Variants in SLC34A1 observed in about 807,000 individuals in gnomAD.
SLC34A1 encodes sodium-dependent phosphate transport protein 2A.
SLC34A1 carries 57 observed loss-of-function variants against 51.4 expected under a neutral mutation model. The ratio of observed to expected loss-of-function variants is 1.11; its 90% confidence interval spans 0.90 to 1.38. The LOEUF (loss-of-function observed/expected upper bound fraction) is 1.38. SLC34A1 is among the 40% of genes most tolerant of loss of function. The pLI is 0.00. For missense variants in SLC34A1, 796 were observed against 835.6 expected (o/e 0.95, Z 0.58); for synonymous variants, 368 against 358.0 (o/e 1.03, Z -0.32).
At chr5:177,389,598 T>G in intron 8 of SLC34A1, 1 of 1,536,274 alleles carries the variant, frequency 6.5e-7, no homozygotes. Context: ...CTGAGCACTC[T>G]TAGTGCTCTC....
intron 12 of SLC34A1, chr5:177,397,291 T>C: frequency 1.7e-6 from 1 of 580,050 alleles, no homozygotes; most frequent in Non-Finnish European, 3.0e-6. Context: ...CACCAATAAA[T>C]AGCAGTGAGT....
chr5:177,392,873 C>A (rs551702610), intron 8 of SLC34A1, among the ~76,000 whole-genome samples: 2 of 152,206 alleles, frequency 1.3e-5, no homozygotes, highest in Non-Finnish European at 2.9e-5. Context: ...CCTCAGCCCC[C>A]CAAAGTGCTG....
intron 10 of SLC34A1, among the ~76,000 whole-genome samples, chr5:177,395,759 AG>A (rs1762935275): frequency 6.6e-6 from 1 of 152,210 alleles, no homozygotes. Flanking sequence ...CAGTCTCCTG[AG>A]TAAACTGGGA....
intron 1 of SLC34A1, 83 bp from the exon 2 acceptor site, chr5:177,385,612 T>C: frequency 1.4e-6 from 1 of 726,246 alleles, no homozygotes; most frequent in East Asian, 2.7e-5. Flanking sequence ...GCTAGGTGTG[T>C]ATTTGGAATC....
chr5:177,394,233 T>C (rs1316246231), intron 10 of SLC34A1, 38 bp downstream of exon 10: 2 of 1,608,510 alleles, frequency 1.2e-6, no homozygotes, highest in African/African-American at 1.3e-5. Context: ...GGCCACAGGA[T>C]GGGCCTTTCC....
At position 177,388,437 on chromosome 5, in the gene SLC34A1, T is replaced by C. The variant is rs1283710533; in HGVS notation, c.936+65T>C. ...TTCAGACTCTTGGTTTCATTGTCTG[T>C]TCAAAATGCTCCAGATAGACCTTGA... On this transcript the variant is annotated intron_variant, in intron 8 of 12. Transcript: ENST00000324417. This position sits in a 1 kb window ranked among gnomAD's most constrained non-coding sequence, Gnocchi z 4.3. The C allele has an allele frequency of 3.7e-6, 5 of 1,342,340 alleles. No individual in the cohort carries two copies. The highest frequency in any genetic ancestry group is 2.3e-5 in the East Asian group (1 of 43,528). 83.2% of individuals were successfully genotyped at this position (1,342,340 alleles called of 1,614,324 possible).
At position 177,388,696 on chromosome 5, in the gene SLC34A1, A is replaced by G. The variant is rs533393878; in HGVS notation, c.936+324A>G. Among the ~76,000 whole-genome samples, 2 of 152,044 alleles carry G rather than the reference A, an allele frequency of 1.3e-5. No individual in the cohort carries two copies. The highest frequency in any genetic ancestry group is 1.5e-5 in the Non-Finnish European group (1 of 67,958). On this transcript the variant is annotated intron_variant, in intron 8 of 12. Transcript: ENST00000324417. This position sits in a 1 kb window ranked among gnomAD's most constrained non-coding sequence, Gnocchi z 4.3. ...AATCACCCTGCCCTTCCCTAGACCT[A>G]CTGAATCTGGAAACCCCTGGGAGCG... is the stretch of plus-strand genomic sequence containing the variant.
At chr5:177,389,923 C>A in intron 8 of SLC34A1, 3 of 1,423,546 alleles carry the variant, frequency 2.1e-6, no homozygotes, top group Non-Finnish European at 2.7e-6. Flanking sequence ...ACGCTTTCTG[C>A]AGGGCAGGGT....
Position 177,396,569 on chromosome 5 carries a change from T to G in SLC34A1, c.1175-164T>G, listed in dbSNP as rs9800061. Among the ~76,000 whole-genome samples the G allele has an allele frequency of 4.0e-3, 264 of 65,316 alleles. 1 individual carries two copies. The highest frequency in any genetic ancestry group is 0.012 in the African/African-American group (223 of 17,902). The allele number at this position is 65,316 out of a possible 152,430, so 42.8% of individuals were successfully genotyped here. On this transcript the variant is annotated intron_variant, in intron 10 of 12. Coordinates refer to ENST00000324417, the MANE Select transcript of SLC34A1 (RefSeq NM_003052.5). The surrounding 1 kb of genome is among the most constrained non-coding windows in gnomAD (Gnocchi z 4.0). ...TCTCCCAGTGCCCCCGCGGAGGTCC[T>G]CTCTCCCAGTGCCCCCGCGGAGGTC...
At position 177,398,331 on chromosome 5, in the gene SLC34A1, G is replaced by T; in HGVS notation, c.*45G>T. ...GCCTGGAATGGGGAAGGCCTGGGGT[G>T]GAAAGGCAGGGGAGGGAGGGTGTGT... On this transcript the variant is annotated 3_prime_UTR_variant, in exon 13 of 13. Transcript: ENST00000324417. The surrounding 1 kb of genome is among the most constrained non-coding windows in gnomAD (Gnocchi z 4.7). The T allele has an allele frequency of 6.3e-7, 1 of 1,596,432 alleles. No individual in the cohort carries two copies. The highest frequency in any genetic ancestry group is 1.1e-5 in the South Asian group (1 of 91,020).
intron 8 of SLC34A1, among the ~76,000 whole-genome samples, chr5:177,391,276 A>G (rs764799814): frequency 8.5e-5 from 13 of 152,158 alleles, no homozygotes; most frequent in Non-Finnish European, 1.5e-4. Flanking sequence ...CCCTCCTGCC[A>G]GCTTTACCTT....
At chr5:177,394,238 C>T (rs779302871) in intron 10 of SLC34A1, 43 bp downstream of exon 10, 24 of 1,597,630 alleles carry the variant, frequency 1.5e-5, no homozygotes, top group African/African-American at 2.7e-5. Context: ...CAGGATGGGC[C>T]TTTCCAGATC....
At position 177,398,381 on chromosome 5, in the gene SLC34A1, C is replaced by CA. The variant is rs1763041632; in HGVS notation, c.*96dup. 1 of 1,432,878 alleles carries CA rather than the reference C, an allele frequency of 7.0e-7. No homozygotes were observed. Among genetic ancestry groups the CA allele is most frequent in the African/African-American group, 1.4e-5 (1 of 71,696 alleles). 88.8% of individuals were successfully genotyped at this position (1,432,878 alleles called of 1,614,324 possible). ...TGTAGGTATGTGCATGTGCCTGTGC[C>CA]ACCCTGGGTGCCAGTCTCTCCTTCT... On this transcript the variant is annotated 3_prime_UTR_variant, in exon 13 of 13. Coordinates refer to ENST00000324417, the MANE Select transcript of SLC34A1 (RefSeq NM_003052.5). The surrounding 1 kb of genome is among the most constrained non-coding windows in gnomAD (Gnocchi z 4.7).
rs1428560605 is a variant in SLC34A1, at chr5:177,386,256, G to A, written c.295G>A (p.Ala99Thr). 8.7e-6 allele frequency: 14 copies of A among 1,613,944 alleles called. No homozygotes were observed. The highest frequency in any genetic ancestry group is 1.6e-4 in the Middle Eastern group (1 of 6,084). ...GGTCCCCAAGCTGCGCCAGGCTGGC[G>A]CCATGCTGCTCAAGGTGCCACTGAT... ...RLVPKLRQAG[A>T]MLLKVPLMLT... The change falls in exon 4 of 13, where the codon GCC (alanine) becomes ACC (threonine). Residue 99 changes from alanine (A) to threonine (T), a missense_variant. By Grantham distance (58) the Ala-to-Thr change is moderately conservative (BLOSUM62 0). Transcript: ENST00000324417. The surrounding 1 kb of genome is among the most constrained non-coding windows in gnomAD (Gnocchi z 4.8).
At position 177,386,575 on chromosome 5, in the gene SLC34A1, G is replaced by T. The variant is rs1762582425; in HGVS notation, c.532+9G>T. 1 of 1,613,738 alleles carries T rather than the reference G, an allele frequency of 6.2e-7. No individual in the cohort carries two copies. ...CATGGTCTCCTCTGGCTGTGAGTTG[G>T]CCCACCAGGGTGGGGAAGAGCTTGG... is the stretch of plus-strand genomic sequence containing the variant. On this transcript the variant is annotated intron_variant, in intron 5 of 12. Transcript: ENST00000324417. This position sits in a 1 kb window ranked among gnomAD's most constrained non-coding sequence, Gnocchi z 4.8.
intron 9 of SLC34A1, 65 bp downstream of exon 9, chr5:177,393,828 A>C (rs1370875260): frequency 6.5e-7 from 1 of 1,547,550 alleles, no homozygotes; most frequent in Non-Finnish European, 8.9e-7. Context: ...TGGCAGGGCA[A>C]TCCCACACAG....
intron 10 of SLC34A1, among the ~76,000 whole-genome samples, chr5:177,395,916 G>T (rs965142858): frequency 6.6e-6 from 1 of 152,208 alleles, no homozygotes; most frequent in Non-Finnish European, 1.5e-5. Flanking sequence ...TTACAAGTGT[G>T]AGCCACCATG....
In SLC34A1 at chr5:177,386,225, C is replaced by T; in HGVS notation, c.264C>T (p.Ser88=). 6.2e-7 allele frequency: 1 copy of T among 1,614,182 alleles called. No homozygotes were observed. Among genetic ancestry groups the T allele is most frequent in the Non-Finnish European group, 8.5e-7 (1 of 1,180,028 alleles). Residue 88 remains serine (S), a synonymous_variant, in exon 4 of 13, where the codon TCC becomes TCT. Coordinates refer to ENST00000324417, the MANE Select transcript of SLC34A1 (RefSeq NM_003052.5). The surrounding 1 kb of genome is among the most constrained non-coding windows in gnomAD (Gnocchi z 4.8). ...CTCATGGCTTCCCCCATCCAGAGTC[C>T]AGGCTGGTCCCCAAGCTGCGCCAGG... ...LALEEEQKPE[S]RLVPKLRQAG... is the part of the protein sequence containing the mutation.
At position 177,394,105 on chromosome 5, in the gene SLC34A1, C is replaced by T. The variant is rs752624330; in HGVS notation, c.1084C>T (p.Leu362=). Reference sequence around the variant, plus strand: ...CCTGCTGGCAGGATCCCTGGTGCTGCTGTGCACCTGCCTCATCCTCCTAGT... The same window carrying T: ...CCTGCTGGCAGGATCCCTGGTGCTGTTGTGCACCTGCCTCATCCTCCTAGT... ...LILLAGSLVL[L]CTCLILLVKM... is the part of the protein sequence containing the mutation. The change falls in exon 10 of 13, where the codon CTG becomes TTG. Residue 362 remains leucine (L), a synonymous_variant. Transcript: ENST00000324417. The T allele has an allele frequency of 1.1e-5, 18 of 1,613,988 alleles. No individual in the cohort carries two copies. The highest frequency in any genetic ancestry group is 1.5e-5 in the Non-Finnish European group (18 of 1,179,958).
Sources: gnomAD v4.1 joint callset for allele counts (sites outside exome capture counted in the v4.1 genomes callset) on GRCh38, gnomAD v4.1.1 for gene constraint, Gnocchi (gnomAD v3.1) non-coding constraint, MANE v1.5 for transcripts, NCBI Gene and HGNC (gene_info 2026-07-23, HGNC 2026-07-21) for gene names.